The following CLYBL variants were observed in gnomAD, a reference collection of about 807,000 sequenced individuals.
The protein encoded by CLYBL is citramalyl-CoA lyase.
Under a neutral mutation model 38.9 loss-of-function variants are expected in CLYBL, and 31 were observed. The observed-to-expected ratio is 0.80, with a 90% CI of 0.60 to 1.08. The LOEUF is 1.08. Among genes scored for constraint, CLYBL ranks in the 50% least tolerant of loss-of-function variants. The probability of loss-of-function intolerance (pLI) is 0.00; values close to 1 mark genes in which losing one functional copy is unlikely to be tolerated. For synonymous variants in CLYBL, 171 were observed against 158.6 expected (o/e 1.08, Z -0.59); for missense variants, 434 against 411.6 (o/e 1.05, Z -0.47).
At chr13:99,730,607 C>T (rs958586524) in intron 1 of CLYBL, among the ~76,000 whole-genome samples, 2 of 152,070 alleles carry the variant, frequency 1.3e-5, no homozygotes, top group African/African-American at 4.8e-5. Flanking sequence ...GCAGAGGACT[C>T]CAGAGGCTCA....
intron 1 of CLYBL, among the ~76,000 whole-genome samples, chr13:99,771,524 C>T (rs1022153877): frequency 5.3e-5 from 8 of 152,246 alleles, no homozygotes; most frequent in South Asian, 2.1e-4. Context: ...TCATTTTCAC[C>T]GGGCCCCGCA....
intron 2 of CLYBL, among the ~76,000 whole-genome samples, chr13:99,858,432 G>A (rs901302944): frequency 2.6e-5 from 4 of 152,302 alleles, no homozygotes; most frequent in South Asian, 4.1e-4. Flanking sequence ...GCTGACAGAC[G>A]AGATGGCCAC....
At chr13:99,830,909 G>A (rs954445848) in intron 2 of CLYBL, among the ~76,000 whole-genome samples, 3 of 152,164 alleles carry the variant, frequency 2.0e-5, no homozygotes, top group South Asian at 2.1e-4. Context: ...TAAGGATCTC[G>A]AGAAAAGACC....
intron 2 of CLYBL, among the ~76,000 whole-genome samples, chr13:99,803,230 A>G (rs1594192508): frequency 1.3e-5 from 2 of 152,242 alleles, no homozygotes; most frequent in South Asian, 4.1e-4. Flanking sequence ...AGAGAAGGCC[A>G]TGGCAAATCA....
intron 1 of CLYBL, among the ~76,000 whole-genome samples, chr13:99,707,685 ATGT>A (rs942646474): frequency 1.4e-4 from 22 of 152,218 alleles, no homozygotes; most frequent in Admixed American, 4.6e-4. Context: ...ACAGTTAGTC[ATGT>A]TGTTGCTGCA....
At position 99,830,249 on chromosome 13, in the gene CLYBL, G is replaced by C. The variant is rs2050778957; in HGVS notation, c.250-28612G>C. 2.0e-5 allele frequency among the ~76,000 whole-genome samples: 3 copies of C among 152,122 alleles called. No individual in the cohort carries two copies. In the South Asian group the frequency reaches 6.2e-4, roughly 32 times the overall value. ...TCTGCATGATGAAAGATATTTATTA[G>C]GCCTAAGTGGAAGAGCCAGCATTCT... On this transcript the variant is annotated intron_variant, in intron 2 of 8. Transcript: ENST00000339105.
At chr13:99,884,844 A>T in intron 7 of CLYBL, 1 of 400,828 alleles carries the variant, frequency 2.5e-6, no homozygotes, top group East Asian at 7.2e-5. Flanking sequence ...ATTCCAGGTG[A>T]CTTAAAGATT....
intron 1 of CLYBL, among the ~76,000 whole-genome samples, chr13:99,614,527 T>C (rs1304293338): frequency 6.6e-6 from 1 of 151,986 alleles, no homozygotes; most frequent in African/African-American, 2.4e-5. Flanking sequence ...CTGGCTGTGG[T>C]GGCTGGGCCC....
intron 7 of CLYBL, among the ~76,000 whole-genome samples, chr13:99,889,076 A>G (rs2052422504): frequency 6.6e-6 from 1 of 152,212 alleles, no homozygotes; most frequent in Admixed American, 6.5e-5. Context: ...GCGACCATAG[A>G]AGAAATAATC....
intron 2 of CLYBL, among the ~76,000 whole-genome samples, chr13:99,783,631 T>C (rs2049711451): frequency 6.6e-6 from 1 of 151,958 alleles, no homozygotes; most frequent in South Asian, 2.1e-4. Flanking sequence ...TAATTTTTTG[T>C]ATTTTTAGTT....
At chr13:99,733,604 A>G (rs2048624334) in intron 1 of CLYBL, among the ~76,000 whole-genome samples, 1 of 152,222 alleles carries the variant, frequency 6.6e-6, no homozygotes, top group South Asian at 2.1e-4. Context: ...CCCATCGACT[A>G]CCCCTTGGAC....
At chr13:99,823,234 C>T (rs74970435) in intron 2 of CLYBL, among the ~76,000 whole-genome samples, 5,009 of 152,116 alleles carry the variant, frequency 0.033, 132 homozygotes, top group Non-Finnish European at 0.051. Flanking sequence ...TTCTTAATTT[C>T]TTTAAAAAAT....
At chr13:99,838,699 A>G (rs2050996046) in intron 2 of CLYBL, among the ~76,000 whole-genome samples, 1 of 152,100 alleles carries the variant, frequency 6.6e-6, no homozygotes, top group South Asian at 2.1e-4. Flanking sequence ...GCAGTGGCGC[A>G]ATCTTGGCTC....
At chr13:99,656,448 GTA>G (rs1194733041) in intron 1 of CLYBL, among the ~76,000 whole-genome samples, 2 of 152,172 alleles carry the variant, frequency 1.3e-5, no homozygotes, top group Admixed American at 1.3e-4. Context: ...CTACAGATAG[GTA>G]TATATATATG....
At chr13:99,632,502 G>A (rs1382912283) in intron 1 of CLYBL, among the ~76,000 whole-genome samples, 1 of 152,226 alleles carries the variant, frequency 6.6e-6, no homozygotes, top group Non-Finnish European at 1.5e-5. Context: ...AGCACTTTGG[G>A]AGACCAAGGC....
intron 2 of CLYBL, among the ~76,000 whole-genome samples, chr13:99,823,723 C>CT (rs2050630517): frequency 1.3e-5 from 2 of 152,252 alleles, no homozygotes; most frequent in Middle Eastern, 3.4e-3. Flanking sequence ...ATTCAATTTG[C>CT]TTTTTTTCTG....
chr13:99,716,040 T>C (rs1244772701), intron 1 of CLYBL, among the ~76,000 whole-genome samples: 2 of 152,118 alleles, frequency 1.3e-5, no homozygotes, highest in Non-Finnish European at 2.9e-5. Context: ...GAATGAGTAT[T>C]GAATTTTATC....
intron 1 of CLYBL, among the ~76,000 whole-genome samples, chr13:99,701,396 C>T (rs534923149): frequency 2.4e-4 from 37 of 151,964 alleles, no homozygotes; most frequent in African/African-American, 7.2e-4. Flanking sequence ...CTGCAAGCTC[C>T]GCCTCCCGGG....
At chr13:99,870,537 TGA>T (rs897636624) in intron 6 of CLYBL, among the ~76,000 whole-genome samples, 4 of 152,216 alleles carry the variant, frequency 2.6e-5, no homozygotes, top group African/African-American at 4.8e-5. Context: ...TTATAAAATT[TGA>T]GAGAATTCTC....
Sources: gnomAD v4.1 joint callset for allele counts (sites outside exome capture counted in the v4.1 genomes callset) on GRCh38, gnomAD v4.1.1 for gene constraint, MANE v1.5 for transcripts, NCBI Gene and HGNC (gene_info 2026-07-23, HGNC 2026-07-21) for gene names.